The following VDR variants were observed in gnomAD, a reference collection of about 807,000 sequenced individuals.
The protein encoded by VDR is vitamin D3 receptor.
In VDR, 19 loss-of-function variants were observed where a neutral mutation model predicts 39.7. The ratio of observed to expected loss-of-function variants is 0.48; its 90% confidence interval spans 0.33 to 0.70. The LOEUF (loss-of-function observed/expected upper bound fraction) is 0.70, where lower values mean the gene tolerates loss of function less well. Among genes scored for constraint, VDR ranks in the 30% least tolerant of loss-of-function variants. The probability of loss-of-function intolerance (pLI) is 0.02; values close to 1 mark genes in which losing one functional copy is unlikely to be tolerated. For missense variants in VDR, 442 were observed against 570.5 expected (o/e 0.77, Z 2.29); for synonymous variants, 242 against 215.8 (o/e 1.12, Z -1.07).
chr12:47,889,428 A>C (rs1354271020), intron 1 of VDR, among the ~76,000 whole-genome samples: 1 of 152,098 alleles, frequency 6.6e-6, no homozygotes, highest in Admixed American at 6.5e-5. Context: ...TACAATCAAC[A>C]CAGAGAAACA....
At chr12:47,886,424 T>C (rs1301891104) in intron 1 of VDR, among the ~76,000 whole-genome samples, 1 of 152,220 alleles carries the variant, frequency 6.6e-6, no homozygotes, top group African/African-American at 2.4e-5. Context: ...CTCTTTCTTC[T>C]CCACCATCCC....
chr12:47,844,287 G>A lies in VDR; in HGVS notation c.*459C>T, dbSNP rs773497816. The A allele has an allele frequency of 4.1e-6, 1 of 246,450 alleles. No homozygotes were observed. Among genetic ancestry groups the A allele is most frequent in the South Asian group, 6.0e-5 (1 of 16,784 alleles). The allele number at this position is 246,450 out of a possible 1,614,324, so 15.3% of individuals were successfully genotyped here. ...GGGGGTGGGGTGGGAGCTGTGGGCCGATTATTTATCGTGAGTAGGCAGGAG... is the reference window on the plus strand; with the variant it reads ...GGGGGTGGGGTGGGAGCTGTGGGCCAATTATTTATCGTGAGTAGGCAGGAG... On this transcript the variant is annotated 3_prime_UTR_variant, in exon 10 of 10. Coordinates refer to ENST00000549336, the MANE Select transcript of VDR (RefSeq NM_000376.3).
At chr12:47,882,626 C>CCAGG (rs1946173552) in intron 2 of VDR, 68 bp downstream of exon 2, 2 of 569,050 alleles carry the variant, frequency 3.5e-6, no homozygotes, top group Non-Finnish European at 6.2e-6. Context: ...TTCTTATGCC[C>CCAGG]CTCCCCCCCA....
rs181388181 is a variant in VDR, at chr12:47,888,732, T to C, written c.-83-5958A>G. On this transcript the variant is annotated intron_variant, in intron 1 of 9. Transcript: ENST00000549336. ...AACGGAGGCCGTGAAAGTAGAACCA[T>C]GGGTATTTAGAGGCTGGGATGGGTA... Among the ~76,000 whole-genome samples, 28 of 152,112 alleles carry C rather than the reference T, an allele frequency of 1.8e-4. No homozygotes were observed. The East Asian group carries it at 5.2e-3, about 28-fold the overall frequency.
At chr12:47,904,693 T>C in intron 1 of VDR, 1 of 1,489,988 alleles carries the variant, frequency 6.7e-7, no homozygotes, top group Non-Finnish European at 9.0e-7. Context: ...CTAAGCACTG[T>C]GTTAGCGGAG....
intron 1 of VDR, among the ~76,000 whole-genome samples, chr12:47,891,147 C>T (rs971805796): frequency 2.0e-5 from 3 of 152,198 alleles, no homozygotes; most frequent in Non-Finnish European, 4.4e-5. Context: ...GGATCAGACC[C>T]CTTGCCTTTG....
rs1180486745 is a variant in VDR at position 47,843,301 on chromosome 12, G to C, written c.*1445C>G. On this transcript the variant is annotated 3_prime_UTR_variant, in exon 10 of 10. Coordinates refer to ENST00000549336, the MANE Select transcript of VDR (RefSeq NM_000376.3). ...CAAGGACACAGCTTCCAGGAGTTGGGGCAGTCACGTTCCCACTGACTTTAA... is the reference window on the plus strand; with the variant it reads ...CAAGGACACAGCTTCCAGGAGTTGGCGCAGTCACGTTCCCACTGACTTTAA... 1.3e-5 allele frequency: 2 copies of C among 152,248 alleles called. No individual in the cohort carries two copies. Among genetic ancestry groups the C allele is most frequent in the African/African-American group, 4.8e-5 (2 of 41,396 alleles). The allele number at this position is 152,248 out of a possible 1,614,324, so 9.4% of individuals were successfully genotyped here. A position where few individuals can be genotyped will look rare whatever the true frequency, so the allele number is the denominator to read the frequency against.
At chr12:47,882,623 G>GAC in intron 2 of VDR, 71 bp downstream of exon 2, 1 of 543,280 alleles carries the variant, frequency 1.8e-6, no homozygotes, top group South Asian at 1.8e-5. Context: ...ACCTTCTTAT[G>GAC]CCCCTCCCCC....
At chr12:47,858,042 A>G (rs569881979) in intron 4 of VDR, among the ~76,000 whole-genome samples, 39 of 151,462 alleles carry the variant, frequency 2.6e-4, no homozygotes, top group Admixed American at 2.2e-3. Context: ...AGTTCTTCCA[A>G]GGTTCCTTTC....
chr12:47,882,915 G>A, intron 1 of VDR, 141 bp from the exon 2 acceptor site: 1 of 628,142 alleles, frequency 1.6e-6, no homozygotes, highest in South Asian at 2.1e-5. Context: ...GGCTTGTTGG[G>A]AGCAGGCATG....
chr12:47,870,127 G>T (rs953912654), intron 3 of VDR, among the ~76,000 whole-genome samples: 1 of 152,196 alleles, frequency 6.6e-6, no homozygotes, highest in African/African-American at 2.4e-5. Flanking sequence ...CCTTTCAGGT[G>T]TGTCTGGCCC....
intron 1 of VDR, chr12:47,896,909 C>T (rs930151522): frequency 3.9e-5 from 6 of 152,230 alleles, no homozygotes; most frequent in African/African-American, 1.4e-4. Context: ...TTTCCAGCAT[C>T]TCCCTGGCCA....
At chr12:47,882,431 C>A (rs948067064) in intron 2 of VDR, among the ~76,000 whole-genome samples, 2 of 152,114 alleles carry the variant, frequency 1.3e-5, no homozygotes, top group Admixed American at 1.3e-4. Context: ...GGATAGGAAA[C>A]ATCAGACGCA....
rs368685381 is a variant in VDR at position 47,844,729 on chromosome 12, G to A, written c.*17C>T. 43 of 1,613,124 alleles carry A rather than the reference G, an allele frequency of 2.7e-5. No homozygotes were observed. The highest frequency in any genetic ancestry group is 4.5e-5 in the East Asian group (2 of 44,868). On this transcript the variant is annotated 3_prime_UTR_variant, in exon 10 of 10. Transcript: ENST00000549336. ...GGAGGAGCAGCCCCACCCAGGCACCGCCACAGGCTGTCCTAGTCAGGAGAT... is the reference window on the plus strand; with the variant it reads ...GGAGGAGCAGCCCCACCCAGGCACCACCACAGGCTGTCCTAGTCAGGAGAT...
intron 1 of VDR, among the ~76,000 whole-genome samples, chr12:47,895,120 A>G (rs188580546): frequency 6.6e-6 from 1 of 152,408 alleles, no homozygotes; most frequent in East Asian, 1.9e-4. Context: ...CTATAAAAAT[A>G]CTAGCTATTG....
chr12:47,887,317 C>T lies in VDR; in HGVS notation c.-83-4543G>A, dbSNP rs1285447132. 1.8e-4 allele frequency among the ~76,000 whole-genome samples: 8 copies of T among 45,222 alleles called. No homozygotes were observed. In the East Asian group the frequency reaches 2.9e-3, roughly 16 times the overall value. 29.7% of individuals were successfully genotyped at this position (45,222 alleles called of 152,430 possible). A position where few individuals can be genotyped will look rare whatever the true frequency, so the allele number is the denominator to read the frequency against. Reference sequence around the variant, plus strand: ...AGCCTGGGCGACAAGAGTAAAACTCCGTCTCAAAAAAAAAAAAAAAAAAAC... The same window carrying T: ...AGCCTGGGCGACAAGAGTAAAACTCTGTCTCAAAAAAAAAAAAAAAAAAAC... On this transcript the variant is annotated intron_variant, in intron 1 of 9. Transcript: ENST00000549336.
intron 1 of VDR, among the ~76,000 whole-genome samples, chr12:47,885,688 G>A (rs1391688345): frequency 1.3e-5 from 2 of 152,196 alleles, no homozygotes; most frequent in Non-Finnish European, 2.9e-5. Flanking sequence ...TTCCCATCAT[G>A]AGAAGCACTA....
intron 3 of VDR, among the ~76,000 whole-genome samples, chr12:47,865,510 C>CAAG (rs1945712695): frequency 1.3e-5 from 2 of 152,250 alleles, no homozygotes; most frequent in African/African-American, 4.8e-5. Context: ...CTCCTGGGTT[C>CAAG]AAGTAATCCT....
At chr12:47,892,236 G>A (rs550915051) in intron 1 of VDR, among the ~76,000 whole-genome samples, 52 of 152,302 alleles carry the variant, frequency 3.4e-4, no homozygotes, top group African/African-American at 1.2e-3. Context: ...TCCCATGCAC[G>A]GCTGATTTGC....
Sources: allele counts gnomAD v4.1 joint callset (sites outside exome capture counted in the v4.1 genomes callset), GRCh38; gene constraint gnomAD v4.1.1; transcripts MANE v1.5; gene names NCBI Gene and HGNC (gene_info 2026-07-23, HGNC 2026-07-21).